The following PCBP3 variants were observed in gnomAD, a reference collection of about 807,000 sequenced individuals.
PCBP3 encodes poly(rC) binding protein 3.
PCBP3 carries 25 observed loss-of-function variants against 52.7 expected under a neutral mutation model. The ratio of observed to expected loss-of-function variants is 0.47; its 90% CI spans 0.35 to 0.66. The LOEUF (loss-of-function observed/expected upper bound fraction) is 0.66, where lower values mean the gene tolerates loss of function less well. Among genes scored for constraint, PCBP3 ranks in the 30% least tolerant of loss-of-function variants. PCBP3 has a pLI of 0.01. For synonymous variants in PCBP3, 162 were observed against 183.0 expected (o/e 0.89, Z 0.93); for missense variants, 391 against 490.3 (o/e 0.80, Z 1.91).
At chr21:45,836,750 A>G (rs2093598718) in intron 4 of PCBP3, among the ~76,000 whole-genome samples, 1 of 151,428 alleles carries the variant, frequency 6.6e-6, no homozygotes, top group South Asian at 2.1e-4. Context: ...AAATAATTTT[A>G]TTTTATTACA....
chr21:45,876,930 C>T (rs2095273004), intron 5 of PCBP3, among the ~76,000 whole-genome samples: 1 of 152,266 alleles, frequency 6.6e-6, no homozygotes, highest in African/African-American at 2.4e-5. Context: ...GCTGGCAAGG[C>T]TTCTCCCGCC....
chr21:45,902,706 A>G (rs1021329505), intron 9 of PCBP3, among the ~76,000 whole-genome samples: 1 of 152,234 alleles, frequency 6.6e-6, no homozygotes, highest in Non-Finnish European at 1.5e-5. Context: ...GGAGAGTCTC[A>G]TAGCCGCTCC....
rs185486068 is a variant in PCBP3 at position 45,715,051 on chromosome 21, A to G, written c.-199-20341A>G. ...ACATTAAAATGAATGAATTAAATCT[A>G]TGGGTATCAAAATGGATAAATCTCA... On this transcript the variant is annotated intron_variant, in intron 2 of 17. Transcript: ENST00000681687. Among the ~76,000 whole-genome samples the G allele has an allele frequency of 2.0e-5, 3 of 152,328 alleles. No individual in the cohort carries two copies. The East Asian group carries it at 5.8e-4, about 29-fold the overall frequency.
At chr21:45,932,287 A>T (rs2076322985) in intron 15 of PCBP3, among the ~76,000 whole-genome samples, 1 of 150,590 alleles carries the variant, frequency 6.6e-6, no homozygotes, top group African/African-American at 2.5e-5. Flanking sequence ...CCGTCATGAG[A>T]TGAATAAACA....
chr21:45,756,679 A>G (rs774352213), intron 4 of PCBP3, among the ~76,000 whole-genome samples: 10 of 151,874 alleles, frequency 6.6e-5, no homozygotes, highest in Non-Finnish European at 1.5e-4. Flanking sequence ...AGGAGCAGTC[A>G]CTCCCCACTC....
chr21:45,809,295 C>T (rs927477340), intron 4 of PCBP3, among the ~76,000 whole-genome samples: 2 of 152,216 alleles, frequency 1.3e-5, no homozygotes, highest in African/African-American at 4.8e-5. Flanking sequence ...TTCTGCATTT[C>T]CATCTCTATC....
intron 4 of PCBP3, among the ~76,000 whole-genome samples, chr21:45,773,611 A>G (rs183655892): frequency 6.6e-5 from 10 of 152,166 alleles, no homozygotes; most frequent in Admixed American, 4.6e-4. Context: ...CTATTTTTAT[A>G]TAAGTGCCAT....
intron 3 of PCBP3, chr21:45,750,402 C>G (rs995947330): frequency 3.1e-5 from 4 of 130,744 alleles, no homozygotes; most frequent in African/African-American, 7.8e-5. Context: ...CAGACCCCCC[C>G]CCCCCCCCCT....
rs913250886 is a variant in PCBP3, at chr21:45,821,657, G to A, written c.-125-28304G>A. 6.6e-6 allele frequency among the ~76,000 whole-genome samples: 1 copy of A among 151,586 alleles called. No individual in the cohort carries two copies. Among genetic ancestry groups the A allele is most frequent in the Non-Finnish European group, 1.5e-5 (1 of 67,982 alleles). On this transcript the variant is annotated intron_variant, in intron 4 of 17. Transcript: ENST00000681687. This position sits in a 1 kb window ranked among gnomAD's most constrained non-coding sequence, Gnocchi z 4.4. The stretch of plus-strand genomic sequence containing the variant: ...CTCCACGGGACCCTCCTGTCCTCCC[G>A]TGTGATGCTGACTGCTCGTGACATG...
intron 3 of PCBP3, among the ~76,000 whole-genome samples, chr21:45,746,114 C>T (rs13047174): frequency 0.64 from 40,125 of 62,418 alleles, 15,502 homozygotes; most frequent in African/African-American, 0.87. Context: ...TGTCAGTCCA[C>T]TGACGTAGCG....
intron 1 of PCBP3, among the ~76,000 whole-genome samples, chr21:45,647,271 C>T (rs1478598130): frequency 1.3e-5 from 2 of 152,204 alleles, no homozygotes; most frequent in Non-Finnish European, 2.9e-5. Flanking sequence ...CTTCCTTCTG[C>T]CTCATCCAAG....
chr21:45,822,533 G>A (rs1295685663), intron 4 of PCBP3, among the ~76,000 whole-genome samples: 1 of 151,990 alleles, frequency 6.6e-6, no homozygotes, highest in Non-Finnish European at 1.5e-5. Flanking sequence ...ATATGGCATG[G>A]GACAGGGTTA....
chr21:45,753,482 T>C (rs1421019224), intron 3 of PCBP3, among the ~76,000 whole-genome samples: 1 of 152,142 alleles, frequency 6.6e-6, no homozygotes, highest in Non-Finnish European at 1.5e-5. Context: ...TAATGGATTT[T>C]TGTTTTATCC....
chr21:45,864,945 A>G (rs1187661069), intron 5 of PCBP3, among the ~76,000 whole-genome samples: 1 of 152,222 alleles, frequency 6.6e-6, no homozygotes, highest in Admixed American at 6.5e-5. Context: ...TGCCTTTTGA[A>G]AACATTCTGC....
chr21:45,877,542 G>A (rs1164017910), intron 5 of PCBP3, among the ~76,000 whole-genome samples: 2 of 152,282 alleles, frequency 1.3e-5, no homozygotes, highest in East Asian at 1.9e-4. Context: ...AATGGCTCAC[G>A]CCTGTAATCC....
intron 1 of PCBP3, among the ~76,000 whole-genome samples, chr21:45,658,534 C>T (rs1395834738): frequency 8.5e-5 from 13 of 152,188 alleles, no homozygotes; most frequent in Non-Finnish European, 1.8e-4. Flanking sequence ...GAACTCCTGA[C>T]CTCAAGTGCT....
At chr21:45,658,349 G>C (rs2080157419) in intron 1 of PCBP3, among the ~76,000 whole-genome samples, 1 of 152,144 alleles carries the variant, frequency 6.6e-6, no homozygotes, top group Non-Finnish European at 1.5e-5. Context: ...TGTCACCCAG[G>C]CTGGAGTGCA....
Position 45,814,838 on chromosome 21 carries a change from A to AGTGGTG in PCBP3, c.-125-35123_-125-35122insGTGGTG, listed in dbSNP as rs1361244052. The stretch of plus-strand genomic sequence containing the variant: ...AGTGGTGAGTGGTGAGTGAGTGGTG[A>AGTGGTG]ATGATGAGTGAGTGGTGAGTGATGA... On this transcript the variant is annotated intron_variant, in intron 4 of 17. Coordinates refer to ENST00000681687, the MANE Select transcript of PCBP3 (RefSeq NM_001384156.1). Among the ~76,000 whole-genome samples, 9 of 105,730 alleles carry AGTGGTG rather than the reference A, an allele frequency of 8.5e-5. 1 individual carries two copies. The highest frequency in any genetic ancestry group is 1.5e-4 in the Non-Finnish European group (8 of 53,584). The allele number at this position is 105,730 out of a possible 152,430, so 69.4% of individuals were successfully genotyped here.
intron 5 of PCBP3, among the ~76,000 whole-genome samples, chr21:45,887,970 G>T (rs1269516591): frequency 6.6e-6 from 1 of 152,246 alleles, no homozygotes; most frequent in Non-Finnish European, 1.5e-5. Flanking sequence ...AGCTGTGCTT[G>T]CAGCTCTGTC....
Sources: allele counts gnomAD v4.1 joint callset (sites outside exome capture counted in the v4.1 genomes callset), GRCh38; gene constraint gnomAD v4.1.1; non-coding constraint Gnocchi (gnomAD v3.1); transcripts MANE v1.5; gene names NCBI Gene and HGNC (gene_info 2026-07-23, HGNC 2026-07-21).